CAPZB: variants seen among roughly 807,000 people sequenced by gnomAD.
CAPZB encodes the protein F-actin-capping protein subunit beta.
A neutral mutation model predicts 38.1 loss-of-function variants in CAPZB; 2 were observed. The ratio of observed to expected loss-of-function variants is 0.05; its 90% confidence interval spans 0.02 to 0.17. The LOEUF (loss-of-function observed/expected upper bound fraction) is 0.17. CAPZB is among the 10% of genes least tolerant of loss of function. The pLI is 1.00. For synonymous variants in CAPZB, 107 were observed against 127.4 expected (o/e 0.84, Z 1.08); for missense variants, 161 against 334.2 (o/e 0.48, Z 4.04).
At chr1:19,407,917 T>A (rs2094339987) in intron 2 of CAPZB, among the ~76,000 whole-genome samples, 1 of 152,150 alleles carries the variant, frequency 6.6e-6, no homozygotes, top group Non-Finnish European at 1.5e-5. Context: ...CTCTGCAGAA[T>A]GGAAACCAGC....
At chr1:19,342,687 G>C in intron 8 of CAPZB, 1 of 964,116 alleles carries the variant, frequency 1.0e-6, no homozygotes, top group Non-Finnish European at 1.6e-6. Context: ...CGGACCGGCA[G>C]GGTCTCGGCG....
chr1:19,352,953 G>A (rs1028768750), intron 6 of CAPZB, among the ~76,000 whole-genome samples: 10 of 152,230 alleles, frequency 6.6e-5, no homozygotes, highest in Admixed American at 3.3e-4. Flanking sequence ...ACTGGGGCAC[G>A]AGTGGGCACA....
Position 19,472,879 on chromosome 1 carries a change from G to A in CAPZB, c.3+12557C>T, listed in dbSNP as rs572841746. 1.7e-3 allele frequency among the ~76,000 whole-genome samples: 257 copies of A among 151,884 alleles called. 2 individuals carry two copies. The highest frequency in any genetic ancestry group is 5.7e-3 in the African/African-American group (238 of 41,424). On this transcript the variant is annotated intron_variant, in intron 1 of 8. Coordinates refer to ENST00000264202, the MANE Select transcript of CAPZB (RefSeq NM_004930.5). Reference sequence around the variant, plus strand: ...ACTACAGGCGCCCGCCATCACACCCGGCTAATTTTTTGTACTTTTAGTAGA... The same window carrying A: ...ACTACAGGCGCCCGCCATCACACCCAGCTAATTTTTTGTACTTTTAGTAGA...
intron 2 of CAPZB, among the ~76,000 whole-genome samples, chr1:19,409,472 C>T (rs1330303432): frequency 2.0e-5 from 3 of 152,130 alleles, no homozygotes; most frequent in Non-Finnish European, 4.4e-5. Context: ...ACATATTAGG[C>T]GTTTGTGTTT....
At chr1:19,444,512 A>C (rs1207957458) in intron 1 of CAPZB, among the ~76,000 whole-genome samples, 1 of 152,230 alleles carries the variant, frequency 6.6e-6, no homozygotes, top group Non-Finnish European at 1.5e-5. Flanking sequence ...CAGCGTGCCT[A>C]GCCCCATCTA....
chr1:19,476,946 T>G (rs1271222747), intron 1 of CAPZB, among the ~76,000 whole-genome samples: 1 of 152,134 alleles, frequency 6.6e-6, no homozygotes, highest in Non-Finnish European at 1.5e-5. Flanking sequence ...ATGCGCTGAG[T>G]GCGGTGGACC....
rs142727085 is a variant in CAPZB, at chr1:19,399,118, G to A, written c.94-13492C>T. ...AGTGATCCGCCTGTCTTGCCCTCCC[G>A]AAGTGCTGGGATTACAGGCATGAGC... On this transcript the variant is annotated intron_variant, in intron 2 of 8. Coordinates refer to ENST00000264202, the MANE Select transcript of CAPZB (RefSeq NM_004930.5). Among the ~76,000 whole-genome samples the A allele has an allele frequency of 2.7e-3, 412 of 152,034 alleles. 6 individuals carry two copies. The highest frequency in any genetic ancestry group is 2.9e-3 in the Non-Finnish European group (199 of 67,978).
At chr1:19,402,971 C>A (rs2094311186) in intron 2 of CAPZB, among the ~76,000 whole-genome samples, 1 of 152,132 alleles carries the variant, frequency 6.6e-6, no homozygotes, top group African/African-American at 2.4e-5. Context: ...ATTGCTTGAA[C>A]CAGGGAGGCA....
intron 3 of CAPZB, among the ~76,000 whole-genome samples, chr1:19,379,307 C>A (rs2094161485): frequency 1.3e-5 from 2 of 152,116 alleles, no homozygotes; most frequent in Admixed American, 6.5e-5. Context: ...CCGTGTCGGC[C>A]AGGCTGGTCT....
chr1:19,340,315 G>A (rs144841457), intron 8 of CAPZB, among the ~76,000 whole-genome samples: 117 of 152,304 alleles, frequency 7.7e-4, no homozygotes, highest in Non-Finnish European at 1.4e-3. Flanking sequence ...CCCTCAGCCC[G>A]GATTGCAAAG....
At chr1:19,482,335 T>C (rs954075402) in intron 1 of CAPZB, among the ~76,000 whole-genome samples, 6 of 152,220 alleles carry the variant, frequency 3.9e-5, no homozygotes, top group African/African-American at 2.4e-5. Flanking sequence ...GAACAATGTG[T>C]CTTATCCACA....
At chr1:19,469,584 G>A (rs2094579535) in intron 1 of CAPZB, among the ~76,000 whole-genome samples, 1 of 152,070 alleles carries the variant, frequency 6.6e-6, no homozygotes, top group Admixed American at 6.5e-5. Context: ...TCAGCTCAGA[G>A]GGCTCTGGGG....
chr1:19,339,878 C>T (rs1419525296), intron 8 of CAPZB, among the ~76,000 whole-genome samples: 1 of 152,176 alleles, frequency 6.6e-6, no homozygotes, highest in African/African-American at 2.4e-5. Flanking sequence ...CATCTCTGCC[C>T]CTGGCCACCG....
At chr1:19,478,317 A>T (rs926609345) in intron 1 of CAPZB, among the ~76,000 whole-genome samples, 3 of 152,214 alleles carry the variant, frequency 2.0e-5, no homozygotes, top group Admixed American at 6.5e-5. Context: ...CCATGTTAAC[A>T]GAATAACCAC....
chr1:19,452,336 A>G (rs565857793), intron 1 of CAPZB, among the ~76,000 whole-genome samples: 68 of 152,124 alleles, frequency 4.5e-4, no homozygotes, highest in African/African-American at 1.5e-3. Flanking sequence ...CATTGCCCCC[A>G]CTGGGACATA....
intron 1 of CAPZB, among the ~76,000 whole-genome samples, chr1:19,463,547 T>G (rs1162375411): frequency 6.6e-6 from 1 of 152,188 alleles, no homozygotes; most frequent in Non-Finnish European, 1.5e-5. Context: ...CTCCCCACCT[T>G]AAATGGTTGG....
In CAPZB at chr1:19,483,659, T is replaced by G. The variant is rs534524303; in HGVS notation, c.3+1777A>C. ...TTCCTGCCTTATACTTTGTCCTGAG[T>G]GCACACTCAGGAAACTTCAGCCCAC... On this transcript the variant is annotated intron_variant, in intron 1 of 8. Coordinates refer to ENST00000264202, the MANE Select transcript of CAPZB (RefSeq NM_004930.5). 3.9e-5 allele frequency among the ~76,000 whole-genome samples: 6 copies of G among 152,260 alleles called. No homozygotes were observed. The South Asian group carries it at 1.0e-3, about 26-fold the overall frequency.
chr1:19,458,099 CAAA>C (rs58149759), intron 1 of CAPZB, among the ~76,000 whole-genome samples: 153 of 128,760 alleles, frequency 1.2e-3, no homozygotes, highest in Admixed American at 1.6e-3. Context: ...AAGGAGTTGC[CAAA>C]AAAAAAAAAA....
chr1:19,394,442 T>C (rs1040991382), intron 2 of CAPZB, among the ~76,000 whole-genome samples: 4 of 152,006 alleles, frequency 2.6e-5, no homozygotes, highest in African/African-American at 9.7e-5. Context: ...AAGCGATGGC[T>C]GGGCACAGTG....
Sources: gnomAD v4.1 joint callset for allele counts (sites outside exome capture counted in the v4.1 genomes callset) on GRCh38, gnomAD v4.1.1 for gene constraint, MANE v1.5 for transcripts, NCBI Gene and HGNC (gene_info 2026-07-23, HGNC 2026-07-21) for gene names.